Variants in PARP8 observed in about 807,000 individuals in gnomAD.
PARP8 encodes poly(ADP-ribose) polymerase family member 8, also known as protein mono-ADP-ribosyltransferase PARP8.
A neutral mutation model predicts 124.1 loss-of-function variants in PARP8; 51 were observed. The ratio of observed to expected loss-of-function variants is 0.41; its 90% CI spans 0.33 to 0.52. The LOEUF (loss-of-function observed/expected upper bound fraction) is 0.52. Ranked by LOEUF, PARP8 falls within the 20% of genes least tolerant of loss-of-function variation. The probability of loss-of-function intolerance (pLI) is 0.21; values close to 1 mark genes in which losing one functional copy is unlikely to be tolerated. For missense variants in PARP8, 860 were observed against 1,018.9 expected (o/e 0.84, Z 2.12); for synonymous variants, 391 against 361.5 (o/e 1.08, Z -0.93).
intron 2 of PARP8, among the ~76,000 whole-genome samples, chr5:50,674,077 T>C (rs1200142924): frequency 1.3e-5 from 2 of 152,220 alleles, no homozygotes. Context: ...CAGGAAAGAC[T>C]AGTAAGATGT....
chr5:50,781,226 T>C (rs1740632541), intron 9 of PARP8, among the ~76,000 whole-genome samples: 1 of 152,238 alleles, frequency 6.6e-6, no homozygotes, highest in South Asian at 2.1e-4. Flanking sequence ...ATTATATTTT[T>C]AATTTGGCCA....
At chr5:50,680,594 T>G (rs920688924) in intron 2 of PARP8, among the ~76,000 whole-genome samples, 2 of 152,188 alleles carry the variant, frequency 1.3e-5, no homozygotes, top group African/African-American at 4.8e-5. Context: ...TCCCCAACTC[T>G]CATTCCCCAA....
chr5:50,802,400 C>T (rs748859746), intron 14 of PARP8, among the ~76,000 whole-genome samples: 2 of 152,096 alleles, frequency 1.3e-5, no homozygotes, highest in Non-Finnish European at 2.9e-5. Flanking sequence ...CTGAAGCCTC[C>T]AACTTCTGGG....
At chr5:50,756,793 A>G (rs1190449019) in intron 3 of PARP8, among the ~76,000 whole-genome samples, 1 of 152,166 alleles carries the variant, frequency 6.6e-6, no homozygotes, top group Non-Finnish European at 1.5e-5. Context: ...TATAGCTTTA[A>G]CTGAAAGTTT....
intron 2 of PARP8, among the ~76,000 whole-genome samples, chr5:50,703,318 CT>C (rs947235275): frequency 6.7e-6 from 1 of 148,882 alleles, no homozygotes; most frequent in African/African-American, 2.5e-5. Context: ...AAAAAAAAGT[CT>C]TGTAAAGGCA....
At chr5:50,770,671 G>A (rs901912389) in intron 7 of PARP8, among the ~76,000 whole-genome samples, 47 of 150,990 alleles carry the variant, frequency 3.1e-4, no homozygotes, top group African/African-American at 1.0e-3. Flanking sequence ...AGAAAGAAAA[G>A]AAAGAAATAA....
At chr5:50,760,170 C>A in intron 4 of PARP8, 122 bp from the exon 5 acceptor site, 1 of 903,394 alleles carries the variant, frequency 1.1e-6, no homozygotes. Context: ...CAAAATATCC[C>A]TTAATTCTTT....
At chr5:50,783,201 G>A (rs1210381416) in intron 9 of PARP8, among the ~76,000 whole-genome samples, 1 of 152,166 alleles carries the variant, frequency 6.6e-6, no homozygotes, top group East Asian at 1.9e-4. Flanking sequence ...AGGGGAGACA[G>A]GGAAGGGAGA....
intron 25 of PARP8, among the ~76,000 whole-genome samples, chr5:50,838,260 G>A (rs1747803229): frequency 6.6e-6 from 1 of 151,748 alleles, no homozygotes; most frequent in African/African-American, 2.4e-5. Flanking sequence ...CTTTTTCCTT[G>A]CTCACTACAG....
chr5:50,708,026 AT>A (rs899758915), intron 2 of PARP8, among the ~76,000 whole-genome samples: 6 of 151,890 alleles, frequency 4.0e-5, no homozygotes, highest in Admixed American at 2.6e-4. Context: ...ATAAGTATAT[AT>A]TTTTTCTTCT....
intron 2 of PARP8, among the ~76,000 whole-genome samples, chr5:50,747,597 C>G (rs181801394): frequency 6.6e-6 from 1 of 151,788 alleles, no homozygotes; most frequent in African/African-American, 2.4e-5. Context: ...ATGACTTCTT[C>G]CTGACGAACT....
chr5:50,709,963 C>CAT (rs34133967), intron 2 of PARP8, among the ~76,000 whole-genome samples: 1 of 103,722 alleles, frequency 9.6e-6, no homozygotes, highest in South Asian at 2.9e-4. Context: ...TATACACATA[C>CAT]ATATATACAC....
At chr5:50,818,726 A>G (rs1316380708) in intron 15 of PARP8, among the ~76,000 whole-genome samples, 1 of 152,132 alleles carries the variant, frequency 6.6e-6, no homozygotes, top group Non-Finnish European at 1.5e-5. Flanking sequence ...ACTTAGAAAA[A>G]TTAACATATG....
In PARP8 at chr5:50,788,544, A is replaced by G; in HGVS notation, c.692A>G (p.Gln231Arg). 6.2e-7 allele frequency: 1 copy of G among 1,613,480 alleles called. No individual in the cohort carries two copies. Among genetic ancestry groups the G allele is most frequent in the Non-Finnish European group, 8.5e-7 (1 of 1,179,694 alleles). ...NGPVPTVDVF[Q>R]ISTKERFGLG... The stretch of plus-strand genomic sequence containing the variant: ...CCAGTGCCCACTGTTGATGTCTTTC[A>G]GATTTCCACAAAAGAGCGATTTGGA... The change falls in exon 10 of 26, where the codon CAG becomes CGG. Residue 231 changes from glutamine (Q) to arginine (R), a missense_variant. Coordinates refer to ENST00000281631, the MANE Select transcript of PARP8 (RefSeq NM_024615.4).
chr5:50,826,845 G>A, intron 19 of PARP8, 42 bp downstream of exon 19: 2 of 1,575,704 alleles, frequency 1.3e-6, no homozygotes, highest in Non-Finnish European at 8.6e-7. Flanking sequence ...TACAGAAATG[G>A]GAGGAGTACT....
At chr5:50,708,955 A>G (rs912435333) in intron 2 of PARP8, among the ~76,000 whole-genome samples, 2 of 123,236 alleles carry the variant, frequency 1.6e-5, no homozygotes, top group East Asian at 2.7e-4. Flanking sequence ...CTGATTTTTT[A>G]TTTGTTATTT....
At chr5:50,825,591 A>T (rs183615904) in intron 18 of PARP8, among the ~76,000 whole-genome samples, 4 of 152,152 alleles carry the variant, frequency 2.6e-5, no homozygotes, top group Admixed American at 2.6e-4. Flanking sequence ...GCCCTCTTCT[A>T]CTTCTAATAA....
intron 2 of PARP8, among the ~76,000 whole-genome samples, chr5:50,689,036 T>A (rs1418501934): frequency 1.4e-5 from 2 of 145,032 alleles, no homozygotes; most frequent in Non-Finnish European, 3.0e-5. Flanking sequence ...TTTTTGATTT[T>A]TTTTTTTTTT....
chr5:50,728,548 C>T (rs1756661348), intron 2 of PARP8, among the ~76,000 whole-genome samples: 1 of 151,814 alleles, frequency 6.6e-6, no homozygotes, highest in Admixed American at 6.6e-5. Flanking sequence ...AATTAAGGTC[C>T]CATAGTTTCC....
Sources: allele counts gnomAD v4.1 joint callset (sites outside exome capture counted in the v4.1 genomes callset), GRCh38; gene constraint gnomAD v4.1.1; transcripts MANE v1.5; gene names NCBI Gene and HGNC (gene_info 2026-07-23, HGNC 2026-07-21).